COL1A2: variants seen among roughly 807,000 people sequenced by gnomAD.
The protein encoded by COL1A2 is collagen alpha-2(I) chain.
In COL1A2, 49 loss-of-function variants were observed where a neutral mutation model predicts 174.3. The ratio of observed to expected loss-of-function variants is 0.28; its 90% CI spans 0.22 to 0.36. The LOEUF (loss-of-function observed/expected upper bound fraction) is 0.36, where lower values mean the gene tolerates loss of function less well. COL1A2 is among the 10% of genes least tolerant of loss of function. The probability of loss-of-function intolerance (pLI) is 1.00; values close to 1 mark genes in which losing one functional copy is unlikely to be tolerated. For synonymous variants in COL1A2, 655 were observed against 606.6 expected (o/e 1.08, Z -1.17); for missense variants, 1,438 against 1,822.7 (o/e 0.79, Z 3.84).
rs35587403 is a variant in COL1A2, at chr7:94,411,033, G to GT, written c.1252-7dup. 0.12 allele frequency: 162,573 copies of GT among 1,315,758 alleles called. 16 individuals carry two copies. The highest frequency in any genetic ancestry group is 0.18 in the South Asian group (11,967 of 66,190). 81.5% of individuals were successfully genotyped at this position (1,315,758 alleles called of 1,614,324 possible). A position where few individuals can be genotyped will look rare whatever the true frequency, so the allele number is the denominator to read the frequency against. ...GCTTTAGCATCCTCCTCCTCTATCT[G>GT]TTTTTTTTTTTTTTTTGAATAGGGC... is the stretch of plus-strand genomic sequence containing the variant. On this transcript the variant is annotated intron_variant, in intron 22 of 51. Transcript: ENST00000297268.
In COL1A2 at chr7:94,424,157, T is replaced by C. The variant is rs1351212672; in HGVS notation, c.2566-179T>C. 8.4e-6 allele frequency: 5 copies of C among 594,768 alleles called. No individual in the cohort carries two copies. In the African/African-American group the frequency reaches 9.3e-5, roughly 11 times the overall value. 36.8% of individuals were successfully genotyped at this position (594,768 alleles called of 1,614,324 possible). A position where few individuals can be genotyped will look rare whatever the true frequency, so the allele number is the denominator to read the frequency against. On this transcript the variant is annotated intron_variant, in intron 40 of 51. Coordinates refer to ENST00000297268, the MANE Select transcript of COL1A2 (RefSeq NM_000089.4). ...GATGAATCAGATACAAAAGTATTCA[T>C]GCCAAGATGTAAACTCACCGTCATC...
intron 40 of COL1A2, chr7:94,423,569 C>CTTTTTGTTTTTGT (rs202172928): frequency 1.4e-3 from 245 of 170,298 alleles, no homozygotes; most frequent in African/African-American, 5.5e-3. Flanking sequence ...TACTGATTTC[C>CTTTTTGTTTTTGT]TTTTTGTTTT....
In COL1A2 at chr7:94,413,084, G is replaced by C; in HGVS notation, c.1505G>C (p.Gly502Ala). Reference sequence around the variant, plus strand: ...TTTTGTTTTTCATTTTTACTCTAGGGTGATCCTGGCAAAAACGGTGATAAA... The same window carrying C: ...TTTTGTTTTTCATTTTTACTCTAGGCTGATCCTGGCAAAAACGGTGATAAA... Reference protein sequence around the residue: ...IGFPGPKGPTGDPGKNGDKGH... With the variant: ...IGFPGPKGPTADPGKNGDKGH... The change falls in exon 26 of 52, where the codon GGT becomes GCT. Residue 502 changes from glycine to alanine, a missense_variant and splice_region_variant. Around this residue, in one of 3 missense-constraint regions of COL1A2, gnomAD observed 867 missense variants for 1,213.7 expected, o/e 0.71. Coordinates refer to ENST00000297268, the MANE Select transcript of COL1A2 (RefSeq NM_000089.4). The C allele has an allele frequency of 6.2e-7, 1 of 1,614,098 alleles. No individual in the cohort carries two copies. Among genetic ancestry groups the C allele is most frequent in the Non-Finnish European group, 8.5e-7 (1 of 1,179,988 alleles).
Position 94,405,237 on chromosome 7 carries a change from A to G in COL1A2, c.471A>G (p.Gly157=). 1 of 1,613,972 alleles carries G rather than the reference A, an allele frequency of 6.2e-7. No homozygotes were observed. The highest frequency in any genetic ancestry group is 8.5e-7 in the Non-Finnish European group (1 of 1,179,916). The part of the protein sequence containing the change: ...PGKPGRPGER[G]VVGPQGARGF... ...AACCCGGACGACCTGGTGAGAGAGG[A>G]GTTGTTGGACCACAGGTGAGACTTT... is the stretch of plus-strand genomic sequence containing the variant. Residue 157 remains glycine (G), a synonymous_variant, in exon 10 of 52, where the codon GGA becomes GGG. Transcript: ENST00000297268.
intron 1 of COL1A2, 46 bp from the exon 2 acceptor site, chr7:94,397,702 G>GTT: frequency 9.3e-7 from 1 of 1,072,440 alleles, no homozygotes; most frequent in Non-Finnish European, 1.4e-6. Context: ...GATCCATGAA[G>GTT]TGATACTAAT....
At position 94,430,542 on chromosome 7, in the gene COL1A2, G is replaced by A. The variant is rs916480722; in HGVS notation, c.*149G>A. ...ATTGTGGGCAAAAGAGAAAAAGAAG[G>A]ATTGATCAGAGCATTGTGCAATACA... On this transcript the variant is annotated 3_prime_UTR_variant, in exon 52 of 52. Transcript: ENST00000297268. The A allele has an allele frequency of 3.0e-5, 25 of 829,000 alleles. No homozygotes were observed. Among genetic ancestry groups the A allele is most frequent in the African/African-American group, 2.9e-4 (17 of 58,150 alleles). The allele number at this position is 829,000 out of a possible 1,614,324, so 51.4% of individuals were successfully genotyped here.
chr7:94,424,653 C>A, intron 41 of COL1A2: 1 of 566,640 alleles, frequency 1.8e-6, no homozygotes, highest in Non-Finnish European at 3.1e-6. Flanking sequence ...TAAAATTATG[C>A]AGAATGATTT....
chr7:94,420,063 A>G (rs983408548), intron 34 of COL1A2, among the ~76,000 whole-genome samples, 170 bp from the exon 35 acceptor site: 1 of 152,178 alleles, frequency 6.6e-6, no homozygotes. Context: ...CCCAAAATGA[A>G]TATAGCATTA....
At chr7:94,421,700 T>C (rs765261915) in intron 38 of COL1A2, among the ~76,000 whole-genome samples, 199 bp from the exon 39 acceptor site, 1 of 148,670 alleles carries the variant, frequency 6.7e-6, no homozygotes, top group East Asian at 2.0e-4. Context: ...ACTGGTAATA[T>C]GCTGGTAAGG....
At chr7:94,416,898 A>T (rs1289568001) in intron 31 of COL1A2, 1 of 183,556 alleles carries the variant, frequency 5.4e-6, no homozygotes, top group Non-Finnish European at 1.2e-5. Flanking sequence ...TTTTAATAAT[A>T]AGAGTTTATG....
intron 34 of COL1A2, 122 bp downstream of exon 34, chr7:94,419,673 A>T (rs1562904905): frequency 2.8e-6 from 3 of 1,066,558 alleles, no homozygotes; most frequent in Middle Eastern, 2.0e-4. Context: ...TTAAAAACCT[A>T]GCTATTGTGA....
chr7:94,395,858 C>T (rs1487892306), intron 1 of COL1A2, among the ~76,000 whole-genome samples: 1 of 152,104 alleles, frequency 6.6e-6, no homozygotes, highest in Non-Finnish European at 1.5e-5. Context: ...GAAATGGTAA[C>T]ATTTTTTAAC....
chr7:94,401,551 T>C lies in COL1A2; in HGVS notation c.226-16T>C, dbSNP rs542458716. ...ATTTTATATATATATATAATTTTTT[T>C]TTTTTACTTCTCTAGAACTTTGCTG... On this transcript the variant is annotated splice_polypyrimidine_tract_variant and intron_variant, in intron 5 of 51. Coordinates refer to ENST00000297268, the MANE Select transcript of COL1A2 (RefSeq NM_000089.4). 32 of 1,291,848 alleles carry C rather than the reference T, an allele frequency of 2.5e-5. 1 individual carries two copies. In the South Asian group the frequency reaches 7.2e-4, roughly 29 times the overall value. 80.0% of individuals were successfully genotyped at this position (1,291,848 alleles called of 1,614,324 possible).
At position 94,430,717 on chromosome 7, in the gene COL1A2, T is replaced by C. The variant is rs1792384890; in HGVS notation, c.*324T>C. 1 of 303,518 alleles carries C rather than the reference T, an allele frequency of 3.3e-6. No individual in the cohort carries two copies. Among genetic ancestry groups the C allele is most frequent in the African/African-American group, 2.2e-5 (1 of 45,002 alleles). The allele number at this position is 303,518 out of a possible 1,614,324, so 18.8% of individuals were successfully genotyped here. A position where few individuals can be genotyped will look rare whatever the true frequency, so the allele number is the denominator to read the frequency against. ...ATAAACATTTGCACCACTTGTGGCTTTTGAATATCTTCCACAGAGGGAAGT... is the reference window on the plus strand; with the variant it reads ...ATAAACATTTGCACCACTTGTGGCTCTTGAATATCTTCCACAGAGGGAAGT... On this transcript the variant is annotated 3_prime_UTR_variant, in exon 52 of 52. Coordinates refer to ENST00000297268, the MANE Select transcript of COL1A2 (RefSeq NM_000089.4).
chr7:94,424,069 C>T, intron 40 of COL1A2: 21 of 404,976 alleles, frequency 5.2e-5, no homozygotes, highest in Middle Eastern at 7.4e-4. Flanking sequence ...TCTATTTCAC[C>T]ACCCCAAGTG....
intron 27 of COL1A2, 22 bp downstream of exon 27, chr7:94,413,765 G>T: frequency 1.2e-6 from 2 of 1,613,936 alleles, no homozygotes; most frequent in South Asian, 1.1e-5. Context: ...TCCCACTCTT[G>T]TGCTCTTCTG....
chr7:94,395,063 T>G lies in COL1A2; in HGVS notation c.32T>G (p.Leu11Trp). The change falls in exon 1 of 52, where the codon TTG becomes TGG. Residue 11 changes from leucine to tryptophan, a missense_variant. Coordinates refer to ENST00000297268, the MANE Select transcript of COL1A2 (RefSeq NM_000089.4). ...AGCTTTGTGGATACGCGGACTTTGT[T>G]GCTGCTTGCAGTAACCTTATGCCTA... MLSFVDTRTL[L>W]LLAVTLCLAT... 6.2e-7 allele frequency: 1 copy of G among 1,614,090 alleles called. No individual in the cohort carries two copies. The highest frequency in any genetic ancestry group is 8.5e-7 in the Non-Finnish European group (1 of 1,180,014).
chr7:94,404,630 A>G, intron 7 of COL1A2, 30 bp downstream of exon 7: 1 of 1,614,132 alleles, frequency 6.2e-7, no homozygotes, highest in Non-Finnish European at 8.5e-7. Context: ...AATGCCTCTT[A>G]TGTAAAAAGA....
chr7:94,412,121 C>A lies in COL1A2; in HGVS notation c.1404C>A (p.Val468=), dbSNP rs773852385. The A allele has an allele frequency of 1.9e-6, 3 of 1,611,452 alleles. No homozygotes were observed. Among genetic ancestry groups the A allele is most frequent in the East Asian group, 2.2e-5 (1 of 44,836 alleles). Residue 468 remains valine, a splice_region_variant and synonymous_variant, in exon 24 of 52, where the codon GTC becomes GTA. Coordinates refer to ENST00000297268, the MANE Select transcript of COL1A2 (RefSeq NM_000089.4). ...GCCCCGCTGGAAAAGAAGGTCCTGT[C>A]GTAAGTATTGCTCATTTTCCATTAT... The part of the protein sequence containing the change: ...NIGPAGKEGP[V]GLPGIDGRPG...
Sources: allele counts gnomAD v4.1 joint callset (sites outside exome capture counted in the v4.1 genomes callset), GRCh38; gene constraint gnomAD v4.1.1; regional missense constraint gnomAD v4.1.1; transcripts MANE v1.5; gene names NCBI Gene and HGNC (gene_info 2026-07-23, HGNC 2026-07-21).